The following CSMD1 variants were observed in gnomAD, a reference collection of about 807,000 sequenced individuals.
CSMD1 encodes CUB and Sushi multiple domains 1.
A neutral mutation model predicts 417.5 loss-of-function variants in CSMD1; 213 were observed. The ratio of observed to expected loss-of-function variants is 0.51; its 90% CI spans 0.46 to 0.57. CSMD1 has a LOEUF of 0.57. Ranked by LOEUF, CSMD1 falls within the 20% of genes least tolerant of loss-of-function variation. The pLI, the probability that CSMD1 is intolerant of heterozygous loss-of-function variation, is 0.00. For synonymous variants in CSMD1, 2,862 were observed against 1,736.8 expected, an observed-to-expected ratio of 1.65 and a Z score of -16.11; for missense variants, 6,923 against 4,529.7, an observed-to-expected ratio of 1.53 and a Z score of -15.17.
intron 7 of CSMD1, 144 bp from the exon 8 acceptor site, chr8:3,616,941 A>C (rs775809635): frequency 3.9e-6 from 2 of 510,102 alleles, no homozygotes; most frequent in Non-Finnish European, 6.9e-6. Context: ...CCTTAAATAC[A>C]TTCAAATAAG....
At chr8:4,768,523 C>G (rs1319608272) in intron 1 of CSMD1, among the ~76,000 whole-genome samples, 4 of 152,208 alleles carry the variant, frequency 2.6e-5, no homozygotes, top group Non-Finnish European at 5.9e-5. Context: ...GGATGAAACT[C>G]TGTGGTAATC....
chr8:3,502,874 G>C (rs1011822214), intron 10 of CSMD1, among the ~76,000 whole-genome samples: 3 of 152,096 alleles, frequency 2.0e-5, no homozygotes, highest in African/African-American at 7.2e-5. Context: ...AATTCAGCAT[G>C]AATCAATGTT....
At chr8:4,937,391 G>C (rs570664107) in intron 1 of CSMD1, among the ~76,000 whole-genome samples, 1 of 151,994 alleles carries the variant, frequency 6.6e-6, no homozygotes, top group African/African-American at 2.4e-5. Flanking sequence ...TTCTTTACTG[G>C]GAAATATGAC....
chr8:4,336,392 C>T (rs62480602), intron 3 of CSMD1, among the ~76,000 whole-genome samples: 1 of 152,060 alleles, frequency 6.6e-6, no homozygotes, highest in South Asian at 2.1e-4. Context: ...TAGGCGTGAC[C>T]CATGGCCACT....
intron 12 of CSMD1, among the ~76,000 whole-genome samples, chr8:3,461,944 C>T (rs1296564856): frequency 6.6e-6 from 1 of 152,184 alleles, no homozygotes; most frequent in African/African-American, 2.4e-5. Context: ...GGCAGATCCT[C>T]ACATGGGCCG....
intron 3 of CSMD1, among the ~76,000 whole-genome samples, chr8:4,403,568 C>T (rs1242020315): frequency 6.6e-6 from 1 of 152,174 alleles, no homozygotes; most frequent in Non-Finnish European, 1.5e-5. Flanking sequence ...TCCTGAAAGG[C>T]TTGAGTTGAC....
At chr8:4,846,452 C>CGACCTATGCCG in intron 1 of CSMD1, among the ~76,000 whole-genome samples, 1 of 152,278 alleles carries the variant, frequency 6.6e-6, no homozygotes, top group South Asian at 2.1e-4. Context: ...TTTGGCAGCA[C>CGACCTATGCCG]GGCTCTCTGT....
chr8:4,245,748 A>G (rs1206904767), intron 3 of CSMD1, among the ~76,000 whole-genome samples: 1 of 152,180 alleles, frequency 6.6e-6, no homozygotes, highest in Non-Finnish European at 1.5e-5. Flanking sequence ...TGACTAAGTC[A>G]GGCCGTATCA....
At position 4,549,895 on chromosome 8, in the gene CSMD1, T is replaced by TAAAAAAAAAAAA. The variant is rs1563277700; in HGVS notation, c.302+87446_302+87447insTTTTTTTTTTTT. Among the ~76,000 whole-genome samples, 74 of 65,806 alleles carry TAAAAAAAAAAAA rather than the reference T, an allele frequency of 1.1e-3. 1 individual carries two copies. Among genetic ancestry groups the TAAAAAAAAAAAA allele is most frequent in the East Asian group, 1.9e-3 (4 of 2,128 alleles). The allele number at this position is 65,806 out of a possible 152,430, so 43.2% of individuals were successfully genotyped here. Reference sequence around the variant, plus strand: ...CAGAGTGACAATCTAAGACTTTGTCTCAAAAAAAAAAAAAAAAAAAAAAAA... The same window carrying TAAAAAAAAAAAA: ...CAGAGTGACAATCTAAGACTTTGTCTAAAAAAAAAAAACAAAAAAAAAAAAAAAAAAAAAAAA... On this transcript the variant is annotated intron_variant, in intron 2 of 69. Coordinates refer to ENST00000635120, the MANE Select transcript of CSMD1 (RefSeq NM_033225.6).
At chr8:3,741,431 C>T (rs556086627) in intron 6 of CSMD1, among the ~76,000 whole-genome samples, 1 of 152,212 alleles carries the variant, frequency 6.6e-6, no homozygotes, top group East Asian at 1.9e-4. Flanking sequence ...TGAAGTTAAT[C>T]ATTTTGTGTA....
At chr8:4,354,499 A>G (rs934168516) in intron 3 of CSMD1, among the ~76,000 whole-genome samples, 1 of 152,190 alleles carries the variant, frequency 6.6e-6, no homozygotes, top group Non-Finnish European at 1.5e-5. Context: ...AGAGAAAATC[A>G]GAGTCATGAA....
intron 6 of CSMD1, among the ~76,000 whole-genome samples, chr8:3,749,392 G>T (rs527431267): frequency 2.4e-4 from 36 of 152,270 alleles, no homozygotes; most frequent in African/African-American, 8.4e-4. Context: ...AGTAGCAACT[G>T]TAGAACAGTT....
chr8:4,095,728 C>A (rs938232057), intron 3 of CSMD1, among the ~76,000 whole-genome samples: 1 of 152,168 alleles, frequency 6.6e-6, no homozygotes, highest in African/African-American at 2.4e-5. Context: ...TCAATTTGTT[C>A]AAGTCACGTA....
chr8:4,090,919 TTTTTTC>T (rs1264717252), intron 3 of CSMD1, among the ~76,000 whole-genome samples: 1 of 152,028 alleles, frequency 6.6e-6, no homozygotes, highest in Non-Finnish European at 1.5e-5. Context: ...GTCTTTTTTT[TTTTTTC>T]TTTTCTTTTT....
rs375392795 is a variant in CSMD1, at chr8:3,386,455, T to C, written c.2782+1039A>G. Among the ~76,000 whole-genome samples the C allele has an allele frequency of 1.5e-3, 229 of 152,340 alleles. 1 individual carries two copies. The highest frequency in any genetic ancestry group is 5.3e-3 in the African/African-American group (220 of 41,586). ...CTCTGTGCTGTCCACCTGCACTCTG[T>C]GGTCTCGGCCACAGTGCCAGTTACT... On this transcript the variant is annotated intron_variant, in intron 18 of 69. Transcript: ENST00000635120.
chr8:4,015,465 G>T (rs17068550), intron 4 of CSMD1, among the ~76,000 whole-genome samples: 28 of 151,780 alleles, frequency 1.8e-4, no homozygotes, highest in African/African-American at 5.8e-4. Context: ...GTCACATTAC[G>T]TAAGGCTTAA....
At chr8:3,319,031 C>T (rs1483470397) in intron 23 of CSMD1, among the ~76,000 whole-genome samples, 3 of 152,152 alleles carry the variant, frequency 2.0e-5, no homozygotes, top group Admixed American at 6.6e-5. Context: ...TGGATCACTC[C>T]CTTACACAGA....
At chr8:4,397,662 A>G (rs1159179310) in intron 3 of CSMD1, among the ~76,000 whole-genome samples, 1 of 151,258 alleles carries the variant, frequency 6.6e-6, no homozygotes, top group East Asian at 1.9e-4. Flanking sequence ...TTCTGCTTTA[A>G]ATTGCGGCAG....
intron 3 of CSMD1, among the ~76,000 whole-genome samples, chr8:4,258,797 G>T (rs551507161): frequency 1.3e-5 from 2 of 152,036 alleles, no homozygotes; most frequent in African/African-American, 2.4e-5. Context: ...ATATTTAGAG[G>T]CAACTCTAAG....
Sources: allele counts gnomAD v4.1 joint callset (sites outside exome capture counted in the v4.1 genomes callset), GRCh38; gene constraint gnomAD v4.1.1; transcripts MANE v1.5; gene names NCBI Gene and HGNC (gene_info 2026-07-23, HGNC 2026-07-21).